The following PRNP variants were observed in gnomAD, a reference collection of about 807,000 sequenced individuals.
The protein encoded by PRNP is prion protein (Kanno blood group), also known as major prion protein.
A neutral mutation model predicts 21.3 loss-of-function variants in PRNP; 15 were observed. That is an observed-to-expected ratio of 0.71 (90% CI 0.47 to 1.09). The LOEUF is 1.09. PRNP is among the 50% of genes least tolerant of loss of function. The probability of loss-of-function intolerance (pLI) is 0.00; values close to 1 mark genes in which losing one functional copy is unlikely to be tolerated. For missense variants in PRNP, 285 were observed against 340.9 expected (o/e 0.84, Z 1.29); for synonymous variants, 121 against 123.1 (o/e 0.98, Z 0.11).
In PRNP at chr20:4,687,082, G is replaced by T. The variant is rs1894283; in HGVS notation, c.-11+570G>T. ...ATGGAGAGAGGGGCGCCCGCCGGGG[G>T]AGTTCCGGGAGCCTCGGTGCCTCCC... On this transcript the variant is annotated intron_variant, in intron 1 of 1. Transcript: ENST00000379440. Among the ~76,000 whole-genome samples, 1,061 of 152,258 alleles carry T rather than the reference G, an allele frequency of 7.0e-3. 11 individuals are homozygous for T. The highest frequency in any genetic ancestry group is 0.024 in the African/African-American group (1,001 of 41,566).
chr20:4,699,241 G>A lies in PRNP; in HGVS notation c.21G>A (p.Trp7Ter). Residue 7 changes from tryptophan (W) to a stop codon, truncating the protein, a stop_gained, in exon 2 of 2, where the codon TGG becomes TGA. Transcript: ENST00000379440. LOFTEE classifies it high-confidence loss of function. The surrounding 1 kb of genome is among the most constrained non-coding windows in gnomAD (Gnocchi z 5.8). MANLGC[W>*]MLVLFVATWS... The stretch of plus-strand genomic sequence containing the variant: ...TCATTATGGCGAACCTTGGCTGCTG[G>A]ATGCTGGTTCTCTTTGTGGCCACAT... 6.2e-7 allele frequency: 1 copy of A among 1,614,122 alleles called. No individual in the cohort carries two copies. Among genetic ancestry groups the A allele is most frequent in the Non-Finnish European group, 8.5e-7 (1 of 1,180,050 alleles).
At chr20:4,693,942 C>CAAAAA (rs34756298) in intron 1 of PRNP, among the ~76,000 whole-genome samples, 2 of 124,334 alleles carry the variant, frequency 1.6e-5, no homozygotes, top group Non-Finnish European at 1.8e-5. Flanking sequence ...ATTAAAAATA[C>CAAAAA]AAAAAAAAAA....
At position 4,699,898 on chromosome 20, in the gene PRNP, C is replaced by G. The variant is rs398122414; in HGVS notation, c.678C>G (p.Tyr226Ter). ...ACGAGAGGGAATCTCAGGCCTATTACCAGAGAGGATCGAGCATGGTCCTCT... is the reference window on the plus strand; with the variant it reads ...ACGAGAGGGAATCTCAGGCCTATTAGCAGAGAGGATCGAGCATGGTCCTCT... ...TQYERESQAY[Y>*]QRGSSMVLFS... The change falls in exon 2 of 2, where the codon TAC (tyrosine) becomes TAG (stop). Residue 226 changes from tyrosine to a stop codon, truncating the protein, a stop_gained. Transcript: ENST00000379440. LOFTEE classifies it high-confidence loss of function. This position sits in a 1 kb window ranked among gnomAD's most constrained non-coding sequence, Gnocchi z 5.8. The G allele has an allele frequency of 6.2e-7, 1 of 1,613,832 alleles. No homozygotes were observed. Among genetic ancestry groups the G allele is most frequent in the Non-Finnish European group, 8.5e-7 (1 of 1,179,972 alleles).
At position 4,697,319 on chromosome 20, in the gene PRNP, G is replaced by T. The variant is rs1034394992; in HGVS notation, c.-10-1892G>T. Among the ~76,000 whole-genome samples, 8 of 152,184 alleles carry T rather than the reference G, an allele frequency of 5.3e-5. No homozygotes were observed. The highest frequency in any genetic ancestry group is 1.9e-4 in the African/African-American group (8 of 41,448). On this transcript the variant is annotated intron_variant, in intron 1 of 1. Transcript: ENST00000379440. This position sits in a 1 kb window ranked among gnomAD's most constrained non-coding sequence, Gnocchi z 4.6. Reference sequence around the variant, plus strand: ...GTCAAGCGCTCTGTCTAGGAACACTGCTGTGAACAAAACCAAACTCCCGCC... The same window carrying T: ...GTCAAGCGCTCTGTCTAGGAACACTTCTGTGAACAAAACCAAACTCCCGCC...
intron 1 of PRNP, among the ~76,000 whole-genome samples, chr20:4,690,716 G>A (rs576234182): frequency 3.2e-4 from 49 of 151,938 alleles, no homozygotes; most frequent in African/African-American, 9.9e-4. Context: ...TATGTATTGT[G>A]TACAAAATTA....
Position 4,701,375 on chromosome 20 carries a change from T to A in PRNP, c.*1393T>A, listed in dbSNP as rs1922601262. 1 of 167,094 alleles carries A rather than the reference T, an allele frequency of 6.0e-6. No homozygotes were observed. The highest frequency in any genetic ancestry group is 2.4e-5 in the African/African-American group (1 of 41,452). The allele number at this position is 167,094 out of a possible 1,614,324, so 10.4% of individuals were successfully genotyped here. ...TTTGTAAGGTACTGAATACTTAATA[T>A]GTGGGAAACCCTTTTGCGTGGTCCT... On this transcript the variant is annotated 3_prime_UTR_variant, in exon 2 of 2. Coordinates refer to ENST00000379440, the MANE Select transcript of PRNP (RefSeq NM_000311.5). This position sits in a 1 kb window ranked among gnomAD's most constrained non-coding sequence, Gnocchi z 4.2.
intron 1 of PRNP, among the ~76,000 whole-genome samples, chr20:4,687,798 G>A (rs1921573186): frequency 6.6e-6 from 1 of 152,172 alleles, no homozygotes; most frequent in African/African-American, 2.4e-5. Flanking sequence ...ATGATTTGAA[G>A]TGTTTCCCGT....
rs143534678 is a variant in PRNP, at chr20:4,697,014, C to T, written c.-10-2197C>T. 4.6e-3 allele frequency among the ~76,000 whole-genome samples: 696 copies of T among 152,302 alleles called. No homozygotes were observed. The highest frequency in any genetic ancestry group is 6.5e-3 in the Non-Finnish European group (441 of 68,026). ...TTCAAAGCCCGACTCAGTGTCATTC[C>T]CTGCAGTCTCCTCTTCCTCCCATCT... On this transcript the variant is annotated intron_variant, in intron 1 of 1. Coordinates refer to ENST00000379440, the MANE Select transcript of PRNP (RefSeq NM_000311.5). This position sits in a 1 kb window ranked among gnomAD's most constrained non-coding sequence, Gnocchi z 4.6.
At chr20:4,695,822 G>A (rs777195260) in intron 1 of PRNP, among the ~76,000 whole-genome samples, 5 of 152,130 alleles carry the variant, frequency 3.3e-5, no homozygotes, top group Non-Finnish European at 5.9e-5. Context: ...TGTAAGTCTT[G>A]GATCCATCTA....
In PRNP at chr20:4,686,918, G is replaced by T. The variant is rs1426417873; in HGVS notation, c.-11+406G>T. On this transcript the variant is annotated intron_variant, in intron 1 of 1. Coordinates refer to ENST00000379440, the MANE Select transcript of PRNP (RefSeq NM_000311.5). The surrounding 1 kb of genome is among the most constrained non-coding windows in gnomAD (Gnocchi z 6.7). ...GCCGCCAGCGGGCTCCGCAGGGCGC[G>T]GGGCGGGGAGGGGCGCCTGGGGGCC... is the stretch of plus-strand genomic sequence containing the variant. 6.6e-6 allele frequency among the ~76,000 whole-genome samples: 1 copy of T among 151,616 alleles called. No homozygotes were observed. Among genetic ancestry groups the T allele is most frequent in the African/African-American group, 2.4e-5 (1 of 41,358 alleles).
intron 1 of PRNP, among the ~76,000 whole-genome samples, chr20:4,694,459 C>T (rs1922040473): frequency 6.6e-6 from 1 of 152,154 alleles, no homozygotes; most frequent in Non-Finnish European, 1.5e-5. Context: ...GACAATCCAT[C>T]TCAGAGATAT....
chr20:4,690,805 G>A (rs1921775790), intron 1 of PRNP, among the ~76,000 whole-genome samples: 1 of 152,192 alleles, frequency 6.6e-6, no homozygotes, highest in South Asian at 2.1e-4. Context: ...ATATGGTACT[G>A]CAAGTCCTAG....
intron 1 of PRNP, among the ~76,000 whole-genome samples, chr20:4,696,697 G>C (rs1405527860): frequency 6.6e-6 from 1 of 152,142 alleles, no homozygotes; most frequent in East Asian, 1.9e-4. Flanking sequence ...ATTCTTCTTA[G>C]TAATAAACAG....
intron 1 of PRNP, among the ~76,000 whole-genome samples, chr20:4,693,910 A>G (rs1921986158): frequency 6.6e-6 from 1 of 151,004 alleles, no homozygotes; most frequent in South Asian, 2.1e-4. Flanking sequence ...CAGCCTGGGC[A>G]ACATGGCAAG....
chr20:4,695,040 A>T (rs1922077664), intron 1 of PRNP, among the ~76,000 whole-genome samples: 1 of 151,946 alleles, frequency 6.6e-6, no homozygotes, highest in Admixed American at 6.6e-5. Context: ...TCCTCTGTTG[A>T]TTTTAAGTAC....
chr20:4,689,953 C>G (rs1921716995), intron 1 of PRNP, among the ~76,000 whole-genome samples: 1 of 152,120 alleles, frequency 6.6e-6, no homozygotes, highest in African/African-American at 2.4e-5. Flanking sequence ...GGTGCCAATT[C>G]CCTGAGAAGC....
intron 1 of PRNP, among the ~76,000 whole-genome samples, chr20:4,687,169 T>C (rs1421824701): frequency 6.6e-6 from 1 of 151,944 alleles, no homozygotes; most frequent in Non-Finnish European, 1.5e-5. Context: ...CGCCTGAGCT[T>C]CTCCGAGGGG....
rs1430748450 is a variant in PRNP, at chr20:4,690,122, G to A, written c.-11+3610G>A. On this transcript the variant is annotated intron_variant, in intron 1 of 1. Transcript: ENST00000379440. Reference sequence around the variant, plus strand: ...GTTTGTGGTTTCTAGGTGCCAGTGAGAAACCCCTACCCCCAATTTTTGTGC... The same window carrying A: ...GTTTGTGGTTTCTAGGTGCCAGTGAAAAACCCCTACCCCCAATTTTTGTGC... Among the ~76,000 whole-genome samples the A allele has an allele frequency of 2.0e-5, 3 of 152,126 alleles. No individual in the cohort carries two copies. In the East Asian group the frequency reaches 5.8e-4, roughly 29 times the overall value.
Position 4,699,474 on chromosome 20 carries a change from A to C in PRNP, c.254A>C (p.His85Pro), listed in dbSNP as rs1330532645. The change falls in exon 2 of 2, where the codon CAT becomes CCT. Residue 85 changes from histidine (H) to proline (P), a missense_variant. Coordinates refer to ENST00000379440, the MANE Select transcript of PRNP (RefSeq NM_000311.5). The surrounding 1 kb of genome is among the most constrained non-coding windows in gnomAD (Gnocchi z 5.8). Reference sequence around the variant, plus strand: ...CATGGTGGTGGCTGGGGACAGCCTCATGGTGGTGGCTGGGGTCAAGGAGGT... The same window carrying C: ...CATGGTGGTGGCTGGGGACAGCCTCCTGGTGGTGGCTGGGGTCAAGGAGGT... ...QPHGGGWGQP[H>P]GGGWGQGGGT... 6.2e-7 allele frequency: 1 copy of C among 1,603,246 alleles called. No individual in the cohort carries two copies. Among genetic ancestry groups the C allele is most frequent in the Non-Finnish European group, 8.5e-7 (1 of 1,178,912 alleles).
Sources: gnomAD v4.1 joint callset for allele counts (sites outside exome capture counted in the v4.1 genomes callset) on GRCh38, gnomAD v4.1.1 for gene constraint, Gnocchi (gnomAD v3.1) non-coding constraint, MANE v1.5 for transcripts, NCBI Gene and HGNC (gene_info 2026-07-23, HGNC 2026-07-21) for gene names.